The following FAM114A1 variants were observed in gnomAD, a reference collection of about 807,000 sequenced individuals.
FAM114A1 encodes the protein family with sequence similarity 114 member A1.
In FAM114A1, 62 loss-of-function variants were observed where a neutral mutation model predicts 64.3. The ratio of observed to expected loss-of-function variants is 0.96; its 90% CI spans 0.79 to 1.19. The LOEUF is 1.19. Ranked by LOEUF, FAM114A1 falls within the 50% of genes most tolerant of loss-of-function variation. The probability of loss-of-function intolerance (pLI) is 0.00; values close to 1 mark genes in which losing one functional copy is unlikely to be tolerated. For synonymous variants in FAM114A1, 254 were observed against 251.1 expected (o/e 1.01, Z -0.11); for missense variants, 645 against 676.3 (o/e 0.95, Z 0.51).
At chr4:38,932,569 T>C (rs1720744000) in intron 12 of FAM114A1, among the ~76,000 whole-genome samples, 195 bp downstream of exon 12, 3 of 152,282 alleles carry the variant, frequency 2.0e-5, no homozygotes, top group African/African-American at 7.2e-5. Context: ...TGATCATGAC[T>C]CACTGCAGCC....
intron 4 of FAM114A1, among the ~76,000 whole-genome samples, chr4:38,897,954 A>G (rs944865943): frequency 1.8e-4 from 27 of 152,022 alleles, no homozygotes; most frequent in African/African-American, 6.3e-4. Flanking sequence ...TCAAAAAAAA[A>G]AAAAGAAAGA....
intron 3 of FAM114A1, among the ~76,000 whole-genome samples, chr4:38,880,900 T>G (rs1007430247): frequency 6.6e-6 from 1 of 152,176 alleles, no homozygotes; most frequent in African/African-American, 2.4e-5. Context: ...GATAGCATAG[T>G]AAGGCCGGGC....
Position 38,891,847 on chromosome 4 carries a change from G to C in FAM114A1, c.436+17G>C. On this transcript the variant is annotated intron_variant, in intron 4 of 14. Transcript: ENST00000358869. ...CCACAGTAGGTAAGCATTGTATGTT[G>C]CATTGGAATAGACAAAGTACCAAAG... The C allele has an allele frequency of 6.3e-7, 1 of 1,597,560 alleles. No homozygotes were observed. The highest frequency in any genetic ancestry group is 8.5e-7 in the Non-Finnish European group (1 of 1,172,242).
rs1336901842 is a variant in FAM114A1 at position 38,945,655 on chromosome 4, A to C, written c.*2098A>C. 1.3e-5 allele frequency: 2 copies of C among 152,242 alleles called. No homozygotes were observed. The highest frequency in any genetic ancestry group is 4.8e-5 in the African/African-American group (2 of 41,460). 9.4% of individuals were successfully genotyped at this position (152,242 alleles called of 1,614,324 possible). A position where few individuals can be genotyped will look rare whatever the true frequency, so the allele number is the denominator to read the frequency against. ...GTATTTCATTTGTATGTCTCCTGAAACATCCAAATAGAGAACATAAGAACA... is the reference window on the plus strand; with the variant it reads ...GTATTTCATTTGTATGTCTCCTGAACCATCCAAATAGAGAACATAAGAACA... On this transcript the variant is annotated 3_prime_UTR_variant, in exon 15 of 15. Transcript: ENST00000358869.
intron 7 of FAM114A1, among the ~76,000 whole-genome samples, chr4:38,912,836 T>C (rs975528957): frequency 3.9e-5 from 6 of 152,250 alleles, no homozygotes; most frequent in Admixed American, 6.5e-5. Context: ...TTTGTTATTT[T>C]ATTTTACCAC....
chr4:38,896,317 C>A (rs1313602485), intron 4 of FAM114A1, among the ~76,000 whole-genome samples: 1 of 152,194 alleles, frequency 6.6e-6, no homozygotes, highest in East Asian at 1.9e-4. Flanking sequence ...GCCTAAATTG[C>A]TCTTACTGCA....
intron 2 of FAM114A1, among the ~76,000 whole-genome samples, chr4:38,874,474 A>G (rs1714414251): frequency 6.6e-6 from 1 of 152,078 alleles, no homozygotes; most frequent in African/African-American, 2.4e-5. Context: ...TTCTTTTGAG[A>G]AGTACCTATT....
Position 38,922,751 on chromosome 4 carries a change from G to T in FAM114A1, c.946-19G>T. 2 of 1,604,868 alleles carry T rather than the reference G, an allele frequency of 1.2e-6. No individual in the cohort carries two copies. Among genetic ancestry groups the T allele is most frequent in the South Asian group, 2.3e-5 (2 of 88,778 alleles). ...GAGAAGAAAAGATGACAGTCGTGCTGACCTATTTCTTTTTTCAGGTTCAGT... is the reference window on the plus strand; with the variant it reads ...GAGAAGAAAAGATGACAGTCGTGCTTACCTATTTCTTTTTTCAGGTTCAGT... On this transcript the variant is annotated intron_variant, in intron 8 of 14. Transcript: ENST00000358869.
intron 8 of FAM114A1, among the ~76,000 whole-genome samples, chr4:38,921,354 C>T (rs1240768200): frequency 6.6e-6 from 1 of 152,130 alleles, no homozygotes; most frequent in African/African-American, 2.4e-5. Flanking sequence ...AACTCCTGGG[C>T]TCAAGCAGTC....
intron 3 of FAM114A1, among the ~76,000 whole-genome samples, chr4:38,882,700 A>G (rs535656526): frequency 1.3e-5 from 2 of 152,332 alleles, no homozygotes; most frequent in Admixed American, 1.3e-4. Flanking sequence ...GACTTTGAGG[A>G]CGTACTTCTA....
rs752612229 is a variant in FAM114A1 at position 38,878,313 on chromosome 4, G to A, written c.235G>A (p.Glu79Lys). Residue 79 changes from glutamate (E) to lysine (K), a missense_variant, in exon 3 of 15, where the codon GAG becomes AAG. Transcript: ENST00000358869. Reference protein sequence around the residue: ...PVQPQDANALEPPLNGDVTED... With the variant: ...PVQPQDANALKPPLNGDVTED... Reference sequence around the variant, plus strand: ...GCAGCCTCAGGATGCCAACGCCCTGGAGCCCCCTCTCAATGGAGACGTGAC... The same window carrying A: ...GCAGCCTCAGGATGCCAACGCCCTGAAGCCCCCTCTCAATGGAGACGTGAC... 3.1e-6 allele frequency: 5 copies of A among 1,614,132 alleles called. No homozygotes were observed. Among genetic ancestry groups the A allele is most frequent in the East Asian group, 4.5e-5 (2 of 44,902 alleles).
intron 9 of FAM114A1, among the ~76,000 whole-genome samples, chr4:38,924,075 T>C (rs1036585143): frequency 6.6e-5 from 10 of 152,286 alleles, no homozygotes; most frequent in Non-Finnish European, 1.3e-4. Flanking sequence ...ATTTGAAACA[T>C]TTTCACCATT....
chr4:38,912,537 C>T (rs1258916196), intron 7 of FAM114A1, among the ~76,000 whole-genome samples: 1 of 152,134 alleles, frequency 6.6e-6, no homozygotes, highest in African/African-American at 2.4e-5. Context: ...TGCCCGCCAC[C>T]ATGCCCAGCT....
At chr4:38,872,297 G>A (rs1229583235) in intron 2 of FAM114A1, among the ~76,000 whole-genome samples, 1 of 152,120 alleles carries the variant, frequency 6.6e-6, no homozygotes, top group Non-Finnish European at 1.5e-5. Context: ...TAACATGCAC[G>A]TGTCACATAG....
At chr4:38,907,560 ATCCCCCCGAAGTGTGC>A (rs1174166801) in intron 6 of FAM114A1, among the ~76,000 whole-genome samples, 4 of 152,206 alleles carry the variant, frequency 2.6e-5, no homozygotes, top group Admixed American at 6.5e-5. Flanking sequence ...CTGTCCCATC[ATCCCCCCGAAGTGTGC>A]GCACTGAAAA....
intron 13 of FAM114A1, among the ~76,000 whole-genome samples, chr4:38,937,852 A>T (rs772193078): frequency 3.9e-5 from 6 of 152,020 alleles, no homozygotes; most frequent in Non-Finnish European, 8.8e-5. Context: ...CTCATGCCTC[A>T]GCCTCCTGAG....
chr4:38,915,744 G>GGTGTGTGTGTGTGTGT (rs58018099), intron 8 of FAM114A1, among the ~76,000 whole-genome samples: 1 of 139,116 alleles, frequency 7.2e-6, no homozygotes, highest in East Asian at 2.1e-4. Context: ...CATCTATAGT[G>GGTGTGTGTGTGTGTGT]GTGTGTGTGT....
chr4:38,941,953 C>G (rs184346314), intron 14 of FAM114A1, among the ~76,000 whole-genome samples: 4 of 152,312 alleles, frequency 2.6e-5, no homozygotes, highest in African/African-American at 9.6e-5. Flanking sequence ...ATTTAATGGA[C>G]TCACAATTCC....
At chr4:38,928,504 T>A (rs1720346323) in intron 9 of FAM114A1, among the ~76,000 whole-genome samples, 1 of 152,136 alleles carries the variant, frequency 6.6e-6, no homozygotes, top group African/African-American at 2.4e-5. Flanking sequence ...TTATATATAT[T>A]AATATATCAT....
Sources: gnomAD v4.1 joint callset for allele counts (sites outside exome capture counted in the v4.1 genomes callset) on GRCh38, gnomAD v4.1.1 for gene constraint, MANE v1.5 for transcripts, NCBI Gene and HGNC (gene_info 2026-07-23, HGNC 2026-07-21) for gene names.